The following HNMT variants were observed in gnomAD, a reference collection of about 807,000 sequenced individuals.
HNMT encodes histamine N-methyltransferase.
A neutral mutation model predicts 32.1 loss-of-function variants in HNMT; 30 were observed. The ratio of observed to expected loss-of-function variants is 0.93; its 90% CI spans 0.70 to 1.27. The LOEUF is 1.27. HNMT is among the 50% of genes most tolerant of loss of function. The probability of loss-of-function intolerance (pLI) is 0.00; values close to 1 mark genes in which losing one functional copy is unlikely to be tolerated. For synonymous variants in HNMT, 125 were observed against 119.0 expected, an observed-to-expected ratio of 1.05 and a Z score of -0.33; for missense variants, 327 against 346.0, an observed-to-expected ratio of 0.95 and a Z score of 0.43.
At chr2:138,002,281 A>T in intron 4 of HNMT, 87 bp downstream of exon 4, 1 of 1,131,322 alleles carries the variant, frequency 8.8e-7, no homozygotes, top group East Asian at 3.2e-5. Context: ...TAATTTTTAA[A>T]AGGTAAATGA....
intron 5 of HNMT, among the ~76,000 whole-genome samples, chr2:138,011,274 G>A (rs1192099384): frequency 6.6e-6 from 1 of 151,980 alleles, no homozygotes; most frequent in Non-Finnish European, 1.5e-5. Context: ...TTCTTGTAAT[G>A]TCTTGTTTGC....
At chr2:138,005,367 C>T in intron 5 of HNMT, 142 bp downstream of exon 5, 1 of 614,860 alleles carries the variant, frequency 1.6e-6, no homozygotes, top group African/African-American at 1.8e-5. Context: ...AATTAATTTT[C>T]ACAGTATTAG....
intron 4 of HNMT, among the ~76,000 whole-genome samples, chr2:138,003,708 T>C (rs1681250717): frequency 6.6e-6 from 1 of 152,040 alleles, no homozygotes. Context: ...CACTTCATAA[T>C]GTATAGAGAA....
intron 5 of HNMT, among the ~76,000 whole-genome samples, chr2:138,009,781 T>G (rs1681438072): frequency 6.6e-6 from 1 of 152,052 alleles, no homozygotes; most frequent in Admixed American, 6.6e-5. Context: ...GCTAGACTAG[T>G]CAGTGGAAAG....
intron 5 of HNMT, among the ~76,000 whole-genome samples, chr2:138,006,320 T>A (rs143259135): frequency 1.6e-3 from 238 of 152,134 alleles, no homozygotes; most frequent in African/African-American, 5.6e-3. Flanking sequence ...AGGCAGCCTA[T>A]TCTTGATTAT....
At chr2:137,979,733 T>C (rs991466530) in intron 2 of HNMT, among the ~76,000 whole-genome samples, 23 of 152,064 alleles carry the variant, frequency 1.5e-4, no homozygotes, top group Non-Finnish European at 3.1e-4. Context: ...TAATCTCACC[T>C]AGATAGACTA....
intron 2 of HNMT, among the ~76,000 whole-genome samples, chr2:137,984,058 G>T (rs965786311): frequency 1.3e-5 from 2 of 152,114 alleles, no homozygotes; most frequent in African/African-American, 4.8e-5. Context: ...CTGATCTATG[G>T]ATTCTGACTG....
chr2:137,982,958 A>G (rs1454793929), intron 2 of HNMT, among the ~76,000 whole-genome samples: 1 of 152,194 alleles, frequency 6.6e-6, no homozygotes, highest in African/African-American at 2.4e-5. Context: ...TGAGGTTCAG[A>G]TATTTTGAGG....
intron 1 of HNMT, 147 bp from the exon 2 acceptor site, chr2:137,970,018 A>C: frequency 1.9e-6 from 1 of 514,674 alleles, no homozygotes; most frequent in African/African-American, 2.0e-5. Flanking sequence ...AAAGATGGCA[A>C]TATAACTGAT....
intron 1 of HNMT, among the ~76,000 whole-genome samples, chr2:137,969,609 G>A (rs1405493422): frequency 6.6e-6 from 1 of 151,804 alleles, no homozygotes; most frequent in South Asian, 2.1e-4. Flanking sequence ...TTCCCAATCT[G>A]TCCACTCCAC....
intron 2 of HNMT, among the ~76,000 whole-genome samples, chr2:137,979,218 A>G (rs928239760): frequency 6.7e-6 from 1 of 149,448 alleles, no homozygotes; most frequent in Non-Finnish European, 1.5e-5. Flanking sequence ...CCATATATAA[A>G]GTATATATAA....
At chr2:137,974,007 T>C (rs763439889) in intron 2 of HNMT, among the ~76,000 whole-genome samples, 40 of 151,986 alleles carry the variant, frequency 2.6e-4, no homozygotes, top group Non-Finnish European at 1.2e-4. Flanking sequence ...TGACTCTGAG[T>C]CATCTACCAT....
At chr2:137,987,106 G>A (rs566744754) in intron 2 of HNMT, among the ~76,000 whole-genome samples, 9 of 152,256 alleles carry the variant, frequency 5.9e-5, no homozygotes, top group African/African-American at 1.7e-4. Context: ...TGTAGCCTTT[G>A]TTTCTTTAGG....
intron 2 of HNMT, among the ~76,000 whole-genome samples, chr2:137,973,840 G>T (rs1298876689): frequency 6.6e-6 from 1 of 151,838 alleles, no homozygotes; most frequent in African/African-American, 2.4e-5. Flanking sequence ...ATGCACATAT[G>T]CCCTATCGAT....
At chr2:137,973,888 A>C (rs1680208028) in intron 2 of HNMT, among the ~76,000 whole-genome samples, 2 of 151,954 alleles carry the variant, frequency 1.3e-5, no homozygotes, top group Non-Finnish European at 2.9e-5. Context: ...GTGTGGAAAG[A>C]GTTTTCATAG....
rs1681582722 is a variant in HNMT at position 138,013,844 on chromosome 2, A to G, written c.593A>G (p.Tyr198Cys). 6 of 1,613,784 alleles carry G rather than the reference A, an allele frequency of 3.7e-6. No homozygotes were observed. The highest frequency in any genetic ancestry group is 4.2e-6 in the Non-Finnish European group (5 of 1,179,804). ...SRFPQDDLCQ[Y>C]ITSDDLTQML... ...TTTCCCCAGGATGACCTCTGCCAGT[A>G]TATCACATCAGATGACCTCACTCAG... Residue 198 changes from tyrosine to cysteine, a missense_variant, in exon 6 of 6, where the codon TAT (tyrosine) becomes TGT (cysteine). Coordinates refer to ENST00000280097, the MANE Select transcript of HNMT (RefSeq NM_006895.3).
chr2:137,986,235 G>A (rs1352456027), intron 2 of HNMT, among the ~76,000 whole-genome samples: 1 of 149,914 alleles, frequency 6.7e-6, no homozygotes, highest in Non-Finnish European at 1.5e-5. Flanking sequence ...CAGAACCAAC[G>A]AGATTATATA....
rs1341864062 is a variant in HNMT at position 137,981,183 on chromosome 2, C to T, written c.190+10966C>T. 2.5e-6 allele frequency: 4 copies of T among 1,600,266 alleles called. No homozygotes were observed. In the Admixed American group the frequency reaches 5.1e-5, roughly 20 times the overall value. On this transcript the variant is annotated intron_variant, in intron 2 of 5. Coordinates refer to ENST00000280097, the MANE Select transcript of HNMT (RefSeq NM_006895.3). ...AATCGAATGGCAGGAGATATGGCCA[C>T]AGTCTTTAATCCCCTATTTTCTTGA...
At chr2:138,005,942 C>G (rs565302096) in intron 5 of HNMT, among the ~76,000 whole-genome samples, 26 of 152,076 alleles carry the variant, frequency 1.7e-4, no homozygotes, top group Non-Finnish European at 2.8e-4. Context: ...ACAGCAGACT[C>G]TGTCTTCCTA....
Sources: gnomAD v4.1 joint callset for allele counts (sites outside exome capture counted in the v4.1 genomes callset) on GRCh38, gnomAD v4.1.1 for gene constraint, MANE v1.5 for transcripts, NCBI Gene and HGNC (gene_info 2026-07-23, HGNC 2026-07-21) for gene names.